FAM3B: variants seen among roughly 807,000 people sequenced by gnomAD.
FAM3B encodes the protein protein FAM3B.
Under a neutral mutation model 28.4 loss-of-function variants are expected in FAM3B, and 29 were observed. The observed-to-expected ratio is 1.02, with a 90% confidence interval of 0.76 to 1.39. The LOEUF (loss-of-function observed/expected upper bound fraction) is 1.39, where lower values mean the gene tolerates loss of function less well. Ranked by LOEUF, FAM3B falls within the 40% of genes most tolerant of loss-of-function variation. The probability of loss-of-function intolerance (pLI) is 0.00; values close to 1 mark genes in which losing one functional copy is unlikely to be tolerated. For missense variants in FAM3B, 266 were observed against 293.9 expected (o/e 0.91, Z 0.69); for synonymous variants, 91 against 103.0 (o/e 0.88, Z 0.71).
rs752439201 is a variant in FAM3B at position 41,348,670 on chromosome 21, G to C, written c.564G>C (p.Trp188Cys). 4.3e-6 allele frequency: 7 copies of C among 1,614,152 alleles called. No homozygotes were observed. In the Admixed American group the frequency reaches 1.0e-4, roughly 23 times the overall value. The change falls in exon 7 of 8, where the codon TGG (tryptophan) becomes TGC (cysteine). Residue 188 changes from tryptophan (W) to cysteine (C), a missense_variant. Physicochemically the swap from Trp to Cys is radical, Grantham distance 215. Transcript: ENST00000357985. Reference protein sequence around the residue: ...EIRNMKFRSSWVFIAAKGLEL... With the variant: ...EIRNMKFRSSCVFIAAKGLEL... ...GGAACATGAAATTCAGGTCTAGCTGGGTATTTATTGCAGCAAAAGGCTTGG... is the reference window on the plus strand; with the variant it reads ...GGAACATGAAATTCAGGTCTAGCTGCGTATTTATTGCAGCAAAAGGCTTGG...
chr21:41,305,499 G>GA (rs144502397), intron 1 of FAM3B, among the ~76,000 whole-genome samples: 1,575 of 150,984 alleles, frequency 0.01, 12 homozygotes, highest in East Asian at 0.021. Flanking sequence ...TTGTGCTTAA[G>GA]AAAAAAAAAC....
At chr21:41,345,854 T>C (rs752857325) in intron 5 of FAM3B, 118 bp downstream of exon 5, 9 of 693,418 alleles carry the variant, frequency 1.3e-5, no homozygotes, top group South Asian at 1.2e-4. Context: ...CGCCAGCAGC[T>C]CTCCTGAGTA....
At chr21:41,311,250 AAATATATATATAT>A (rs1292429306) in intron 1 of FAM3B, among the ~76,000 whole-genome samples, 28 of 55,968 alleles carry the variant, frequency 5.0e-4, no homozygotes, top group African/African-American at 1.5e-3. Context: ...AAAAAAAAAA[AAATATATATATAT>A]ATATATATAT....
intron 1 of FAM3B, among the ~76,000 whole-genome samples, chr21:41,310,819 A>G (rs185778538): frequency 6.6e-6 from 1 of 152,344 alleles, no homozygotes; most frequent in African/African-American, 2.4e-5. Context: ...GGGCAGCTGC[A>G]TAAGTAATGA....
intron 7 of FAM3B, among the ~76,000 whole-genome samples, chr21:41,352,054 C>T (rs544704082): frequency 7.9e-5 from 12 of 152,316 alleles, no homozygotes; most frequent in Admixed American, 5.9e-4. Context: ...CCATCATTCT[C>T]ATCGCCTCCA....
upstream of FAM3B, among the ~76,000 whole-genome samples, chr21:41,313,387 C>G (rs1382560462): frequency 6.6e-6 from 1 of 152,264 alleles, no homozygotes; most frequent in Non-Finnish European, 1.5e-5. Context: ...TGCGTCTGCA[C>G]TCAGGGGAAA....
chr21:41,308,681 A>C (rs949480712), intron 1 of FAM3B, among the ~76,000 whole-genome samples: 4 of 151,192 alleles, frequency 2.6e-5, no homozygotes, highest in Admixed American at 2.6e-4. Context: ...CTGGGATTAC[A>C]GGCATGCACC....
At chr21:41,305,995 C>CT (rs1368798177) in intron 1 of FAM3B, among the ~76,000 whole-genome samples, 1 of 152,246 alleles carries the variant, frequency 6.6e-6, no homozygotes, top group African/African-American at 2.4e-5. Context: ...TGCCACTACT[C>CT]TATCAACGAA....
At chr21:41,320,964 T>A (rs570162979) in intron 1 of FAM3B, 1 of 152,198 alleles carries the variant, frequency 6.6e-6, no homozygotes, top group Non-Finnish European at 1.5e-5. Flanking sequence ...TAGCTGCTTG[T>A]TACACATTCA....
chr21:41,308,727 C>A (rs139582572), intron 1 of FAM3B, among the ~76,000 whole-genome samples: 7,371 of 151,918 alleles, frequency 0.049, 251 homozygotes, highest in Middle Eastern at 0.11. Flanking sequence ...TTAGTAGAGA[C>A]AGGGTTTCGC....
exon 1 of FAM3B, chr21:41,304,251 T>A: frequency 2.2e-6 from 1 of 455,956 alleles, no homozygotes; most frequent in Non-Finnish European, 4.4e-6. Context: ...TCGGCGGGCA[T>A]GGCTGGGGCA....
At chr21:41,329,766 T>C (rs1274926381) in intron 2 of FAM3B, among the ~76,000 whole-genome samples, 1 of 152,004 alleles carries the variant, frequency 6.6e-6, no homozygotes, top group Non-Finnish European at 1.5e-5. Flanking sequence ...GACGGTGTTT[T>C]GCCATGTTGG....
intron 2 of FAM3B, among the ~76,000 whole-genome samples, chr21:41,331,809 T>A (rs2088907899): frequency 6.6e-6 from 1 of 152,254 alleles, no homozygotes; most frequent in African/African-American, 2.4e-5. Context: ...TTTTGTCAAA[T>A]TCTTTTCTTG....
At chr21:41,315,946 G>C (rs960427581), upstream of FAM3B, among the ~76,000 whole-genome samples, 1 of 152,112 alleles carries the variant, frequency 6.6e-6, no homozygotes, top group Admixed American at 6.6e-5. Flanking sequence ...ACCCTGGGGC[G>C]GGGACTGGGT....
intron 1 of FAM3B, among the ~76,000 whole-genome samples, chr21:41,310,047 G>T (rs561586767): frequency 6.6e-6 from 1 of 152,334 alleles, no homozygotes; most frequent in African/African-American, 2.4e-5. Flanking sequence ...GCCTGGTGCT[G>T]CAGGGAAGTG....
At chr21:41,350,602 C>T (rs1466225346) in intron 7 of FAM3B, among the ~76,000 whole-genome samples, 3 of 152,232 alleles carry the variant, frequency 2.0e-5, no homozygotes, top group African/African-American at 7.2e-5. Context: ...TCTCTCCCAA[C>T]TTGGGTCTCC....
intron 2 of FAM3B, among the ~76,000 whole-genome samples, chr21:41,335,573 G>A (rs2088948816): frequency 6.6e-6 from 1 of 152,134 alleles, no homozygotes; most frequent in Non-Finnish European, 1.5e-5. Context: ...TAAGTTTCCT[G>A]AGGCCTCCCC....
intron 1 of FAM3B, among the ~76,000 whole-genome samples, chr21:41,308,535 CTTTTTTT>C (rs562737882): frequency 3.7e-4 from 44 of 119,552 alleles, no homozygotes; most frequent in Non-Finnish European, 4.8e-4. Context: ...TTTTTCTTTT[CTTTTTTT>C]TTTTTTTTTT....
chr21:41,337,373 G>C (rs1288620003), intron 2 of FAM3B, among the ~76,000 whole-genome samples: 1 of 152,246 alleles, frequency 6.6e-6, no homozygotes, highest in Non-Finnish European at 1.5e-5. Flanking sequence ...TGAAAGATGT[G>C]TGGGGGCTGT....
Sources: allele counts gnomAD v4.1 joint callset (sites outside exome capture counted in the v4.1 genomes callset), GRCh38; gene constraint gnomAD v4.1.1; transcripts MANE v1.5; gene names NCBI Gene and HGNC (gene_info 2026-07-23, HGNC 2026-07-21).